Variants in CCAR1 observed in about 807,000 individuals in gnomAD.
CCAR1 encodes the protein cell division cycle and apoptosis regulator 1, also known as cell division cycle and apoptosis regulator protein 1.
In CCAR1, 78 loss-of-function variants were observed where a neutral mutation model predicts 163.8. The ratio of observed to expected loss-of-function variants is 0.48; its 90% confidence interval spans 0.40 to 0.57. The LOEUF is 0.57. Among genes scored for constraint, CCAR1 ranks in the 20% least tolerant of loss-of-function variants. CCAR1 has a pLI of 0.00. For missense variants in CCAR1, 1,019 were observed against 1,365.2 expected, an observed-to-expected ratio of 0.75 and a Z score of 4.00; for synonymous variants, 443 against 460.7, an observed-to-expected ratio of 0.96 and a Z score of 0.49.
intron 19 of CCAR1, among the ~76,000 whole-genome samples, chr10:68,783,803 G>T (rs1165730614): frequency 1.8e-4 from 28 of 151,930 alleles, no homozygotes; most frequent in Non-Finnish European, 4.4e-5. Flanking sequence ...TGTCGCCCAG[G>T]CTAGAGTGCA....
At chr10:68,771,716 G>C (rs887865520) in intron 18 of CCAR1, among the ~76,000 whole-genome samples, 1 of 151,988 alleles carries the variant, frequency 6.6e-6, no homozygotes, top group African/African-American at 2.4e-5. Context: ...CTGGGAGGTG[G>C]AGGTTGCAGT....
rs755191341 is a variant in CCAR1, at chr10:68,756,591, C to T, written c.1836+108C>T. Reference sequence around the variant, plus strand: ...AATAAACACACATGGAGGAACATAACTGGTAACAGCGACTGGTAATCCAGC... The same window carrying T: ...AATAAACACACATGGAGGAACATAATTGGTAACAGCGACTGGTAATCCAGC... On this transcript the variant is annotated intron_variant, in intron 14 of 24. Transcript: ENST00000265872. This position sits in a 1 kb window ranked among gnomAD's most constrained non-coding sequence, Gnocchi z 5.1. 5 of 862,718 alleles carry T rather than the reference C, an allele frequency of 5.8e-6. No individual in the cohort carries two copies. The highest frequency in any genetic ancestry group is 7.6e-6 in the Non-Finnish European group (4 of 524,450). 53.4% of individuals were successfully genotyped at this position (862,718 alleles called of 1,614,324 possible).
chr10:68,777,300 G>A (rs1007632637), intron 19 of CCAR1, among the ~76,000 whole-genome samples: 1 of 152,154 alleles, frequency 6.6e-6, no homozygotes, highest in Middle Eastern at 3.2e-3. Context: ...ACAATTGCCA[G>A]AATGATCTTC....
chr10:68,771,177 G>T (rs749936600), intron 17 of CCAR1, 29 bp from the exon 18 acceptor site: 1 of 1,543,046 alleles, frequency 6.5e-7, no homozygotes, highest in Non-Finnish European at 8.7e-7. Context: ...TTGAAATTTG[G>T]CTAGGTTCAT....
At chr10:68,758,514 G>C (rs1049162594) in intron 15 of CCAR1, among the ~76,000 whole-genome samples, 1 of 141,360 alleles carries the variant, frequency 7.1e-6, no homozygotes, top group Non-Finnish European at 1.5e-5. Flanking sequence ...GTGTGTGTGT[G>C]TGTGTGTGTG....
intron 10 of CCAR1, among the ~76,000 whole-genome samples, chr10:68,752,998 C>T (rs1429411031): frequency 2.0e-5 from 3 of 151,990 alleles, no homozygotes; most frequent in Non-Finnish European, 1.5e-5. Flanking sequence ...AGGTAATAGT[C>T]TGTTAACTGA....
Position 68,788,334 on chromosome 10 carries a change from G to A in CCAR1, c.3187+6G>A. On this transcript the variant is annotated splice_donor_region_variant and intron_variant, in intron 23 of 24. Transcript: ENST00000265872. Reference sequence around the variant, plus strand: ...GTTACTAGAAGAAAAAACAGGTAAGGGTCAGCTTTGAATATGTTAATACTT... The same window carrying A: ...GTTACTAGAAGAAAAAACAGGTAAGAGTCAGCTTTGAATATGTTAATACTT... The A allele has an allele frequency of 1.3e-6, 2 of 1,546,272 alleles. No individual in the cohort carries two copies. Among genetic ancestry groups the A allele is most frequent in the Non-Finnish European group, 1.7e-6 (2 of 1,155,352 alleles).
At chr10:68,774,409 G>T (rs1380961566) in intron 19 of CCAR1, among the ~76,000 whole-genome samples, 1 of 152,002 alleles carries the variant, frequency 6.6e-6, no homozygotes, top group Non-Finnish European at 1.5e-5. Flanking sequence ...AGGTCAAGGC[G>T]GGTGGATCAC....
intron 21 of CCAR1, chr10:68,786,913 C>G (rs551724757): frequency 2.8e-6 from 1 of 351,448 alleles, no homozygotes; most frequent in African/African-American, 2.2e-5. Context: ...GGCGTAGCTC[C>G]GTCTCTACTA....
Position 68,775,189 on chromosome 10 carries a change from A to G in CCAR1, c.2650+2090A>G, listed in dbSNP as rs547012509. 4.1e-4 allele frequency among the ~76,000 whole-genome samples: 63 copies of G among 152,322 alleles called. 1 individual carries two copies. Among genetic ancestry groups the G allele is most frequent in the South Asian group, 2.5e-3 (12 of 4,832 alleles). The stretch of plus-strand genomic sequence containing the variant: ...TGAATTCTTCAGTTTGCCTAAGGAA[A>G]AAACATGCTCTGAAATAACCACAAT... On this transcript the variant is annotated intron_variant, in intron 19 of 24. Transcript: ENST00000265872.
chr10:68,725,575 T>C (rs1325409792), intron 2 of CCAR1, among the ~76,000 whole-genome samples: 1 of 152,146 alleles, frequency 6.6e-6, no homozygotes, highest in East Asian at 1.9e-4. Context: ...AATTTTTTAC[T>C]TGAATGAAAC....
chr10:68,750,273 T>A (rs1177753156), intron 10 of CCAR1, among the ~76,000 whole-genome samples: 1 of 150,026 alleles, frequency 6.7e-6, no homozygotes, highest in Non-Finnish European at 1.5e-5. Context: ...TGGAGTGCAG[T>A]GGCATGATCT....
At chr10:68,735,863 TTTA>T (rs2056102756) in intron 2 of CCAR1, 1 of 152,374 alleles carries the variant, frequency 6.6e-6, no homozygotes, top group South Asian at 2.1e-4. Flanking sequence ...TTTTCCTTTT[TTTA>T]TTTTTTGAGA....
chr10:68,745,810 C>CT (rs1159575210), intron 6 of CCAR1, among the ~76,000 whole-genome samples: 2 of 151,594 alleles, frequency 1.3e-5, no homozygotes, highest in Non-Finnish European at 2.9e-5. Flanking sequence ...GACATAAAGA[C>CT]TAATTTTTAA....
At chr10:68,775,886 G>A (rs765341093) in intron 19 of CCAR1, among the ~76,000 whole-genome samples, 5 of 151,776 alleles carry the variant, frequency 3.3e-5, no homozygotes, top group South Asian at 2.1e-4. Flanking sequence ...TGGTAGAGAC[G>A]GAGTTTTACC....
rs2056133674 is a variant in CCAR1, at chr10:68,737,950, A to G, written c.291+61A>G. On this transcript the variant is annotated intron_variant, in intron 4 of 24. Transcript: ENST00000265872. ...AAAATAGCCATTTGCTCCAAAGTTC[A>G]ATTGATAGAGAGTTTTATTTCTATC... The G allele has an allele frequency of 1.3e-5, 15 of 1,117,460 alleles. No individual in the cohort carries two copies. The South Asian group carries it at 2.0e-4, about 15-fold the overall frequency. The allele number at this position is 1,117,460 out of a possible 1,614,324, so 69.2% of individuals were successfully genotyped here. A position where few individuals can be genotyped will look rare whatever the true frequency, so the allele number is the denominator to read the frequency against.
rs561329438 is a variant in CCAR1 at position 68,761,208 on chromosome 10, A to G, written c.2106+16A>G. 5 of 1,488,754 alleles carry G rather than the reference A, an allele frequency of 3.4e-6. No individual in the cohort carries two copies. Among genetic ancestry groups the G allele is most frequent in the South Asian group, 1.3e-5 (1 of 77,244 alleles). 92.2% of individuals were successfully genotyped at this position (1,488,754 alleles called of 1,614,324 possible). ...CGATAAAGAGGTATGTACTCAATCT[A>G]TTATTATACTCTATGGTATTAATAT... On this transcript the variant is annotated intron_variant, in intron 16 of 24. Coordinates refer to ENST00000265872, the MANE Select transcript of CCAR1 (RefSeq NM_018237.4).
chr10:68,757,939 C>G (rs2056416384), intron 15 of CCAR1, among the ~76,000 whole-genome samples: 1 of 151,894 alleles, frequency 6.6e-6, no homozygotes, highest in Non-Finnish European at 1.5e-5. Flanking sequence ...GATCGGGTTT[C>G]ACCGTGTTAG....
At chr10:68,763,361 G>A (rs1233372032) in intron 16 of CCAR1, among the ~76,000 whole-genome samples, 1 of 151,978 alleles carries the variant, frequency 6.6e-6, no homozygotes, top group Non-Finnish European at 1.5e-5. Context: ...ATGTTGGCCA[G>A]GATGGTCTCA....
Sources: gnomAD v4.1 joint callset for allele counts (sites outside exome capture counted in the v4.1 genomes callset) on GRCh38, gnomAD v4.1.1 for gene constraint, Gnocchi (gnomAD v3.1) non-coding constraint, MANE v1.5 for transcripts, NCBI Gene and HGNC (gene_info 2026-07-23, HGNC 2026-07-21) for gene names.